Variants in CDH12 observed in about 807,000 individuals in gnomAD.
The protein encoded by CDH12 is cadherin-12.
In CDH12, 41 loss-of-function variants were observed where a neutral mutation model predicts 74.1. That is an observed-to-expected ratio of 0.55 (90% CI 0.43 to 0.72). CDH12 has a LOEUF of 0.72. Among genes scored for constraint, CDH12 ranks in the 30% least tolerant of loss-of-function variants. The pLI is 0.00. For missense variants in CDH12, 945 were observed against 977.2 expected (o/e 0.97, Z 0.44); for synonymous variants, 399 against 355.0 (o/e 1.12, Z -1.39).
intron 2 of CDH12, among the ~76,000 whole-genome samples, chr5:22,451,199 C>T (rs1038125758): frequency 4.0e-5 from 6 of 151,772 alleles, no homozygotes; most frequent in Admixed American, 6.6e-5. Flanking sequence ...TAGAACAGCA[C>T]TTGGTGTATG....
At chr5:22,232,952 A>G (rs928160878) in intron 3 of CDH12, among the ~76,000 whole-genome samples, 2 of 150,244 alleles carry the variant, frequency 1.3e-5, no homozygotes, top group African/African-American at 4.9e-5. Context: ...AGAGAATCGA[A>G]TAACCATATA....
At chr5:22,105,884 G>A (rs1403027289) in intron 4 of CDH12, among the ~76,000 whole-genome samples, 2 of 152,054 alleles carry the variant, frequency 1.3e-5, no homozygotes, top group Non-Finnish European at 2.9e-5. Flanking sequence ...TTATTTTGGG[G>A]AGGTACACAA....
intron 5 of CDH12, among the ~76,000 whole-genome samples, chr5:22,058,053 T>TATCATCTATCTTTTA (rs1561065611): frequency 2.0e-5 from 3 of 150,350 alleles, no homozygotes; most frequent in African/African-American, 4.9e-5. Context: ...ATCATCTATC[T>TATCATCTATCTTTTA]TTTATTTATT....
chr5:21,880,645 TTC>T (rs1752278539), intron 6 of CDH12, among the ~76,000 whole-genome samples: 1 of 123,722 alleles, frequency 8.1e-6, no homozygotes, highest in Non-Finnish European at 1.7e-5. Context: ...CTTTCTTTCT[TTC>T]TTTCTTTCTT....
intron 1 of CDH12, among the ~76,000 whole-genome samples, chr5:22,658,367 A>G (rs769643542): frequency 7.9e-5 from 12 of 152,126 alleles, no homozygotes; most frequent in Non-Finnish European, 1.6e-4. Flanking sequence ...CTGTATATTC[A>G]TTCTGCATAC....
chr5:21,751,772 C>T lies in CDH12; in HGVS notation c.2350G>A (p.Glu784Lys), dbSNP rs754245616. Residue 784 changes from glutamate to lysine, a missense_variant, in exon 15 of 15, where the codon GAA (glutamate) becomes AAA (lysine). Transcript: ENST00000382254. Reference sequence around the variant, plus strand: ...TTATCAGGGTTATAACTCTCTTCTTCGCCAAACATGTCTGCCAAGACTTTA... The same window carrying T: ...TTATCAGGGTTATAACTCTCTTCTTTGCCAAACATGTCTGCCAAGACTTTA... ...RFKVLADMFG[E>K]EESYNPDKVT 10 of 1,613,766 alleles carry T rather than the reference C, an allele frequency of 6.2e-6. No homozygotes were observed. Among genetic ancestry groups the T allele is most frequent in the Admixed American group, 5.0e-5 (3 of 59,956 alleles).
chr5:22,425,301 G>A (rs1743877642), intron 2 of CDH12, among the ~76,000 whole-genome samples: 2 of 151,088 alleles, frequency 1.3e-5, no homozygotes, highest in South Asian at 4.2e-4. Context: ...GGTTTTGTGA[G>A]TGTGGTAGTT....
intron 1 of CDH12, among the ~76,000 whole-genome samples, chr5:22,571,120 C>T (rs1163963143): frequency 6.6e-6 from 1 of 152,122 alleles, no homozygotes; most frequent in Non-Finnish European, 1.5e-5. Context: ...GTTTTGGCTG[C>T]TTTGATCTAT....
intron 1 of CDH12, among the ~76,000 whole-genome samples, chr5:22,609,184 C>G (rs778767654): frequency 6.6e-6 from 1 of 152,136 alleles, no homozygotes; most frequent in Non-Finnish European, 1.5e-5. Flanking sequence ...TCTTTAGAGT[C>G]TCATCTCAGT....
intron 6 of CDH12, among the ~76,000 whole-genome samples, chr5:21,952,464 C>T (rs554244077): frequency 6.6e-6 from 1 of 152,132 alleles, no homozygotes; most frequent in Non-Finnish European, 1.5e-5. Flanking sequence ...CAGCACAGTA[C>T]TAGAGAACCA....
In CDH12 at chr5:22,831,359, G is replaced by GTGTGTGTGTC. The variant is rs1554007047; in HGVS notation, c.-523+21698_-523+21699insGACACACACA. ...GGTAGGGGTTTTGGAGTTTGTGTGTGTGTGTGTGTGTCTGTGTGTGTGTGT... is the reference window on the plus strand; with the variant it reads ...GGTAGGGGTTTTGGAGTTTGTGTGTGTGTGTGTGTCTGTGTGTGTGTCTGTGTGTGTGTGT... On this transcript the variant is annotated intron_variant, in intron 1 of 14. Transcript: ENST00000382254. 5.9e-4 allele frequency among the ~76,000 whole-genome samples: 80 copies of GTGTGTGTGTC among 136,470 alleles called. 1 individual carries two copies. In the South Asian group the frequency reaches 0.018, roughly 31 times the overall value. The allele number at this position is 136,470 out of a possible 152,430, so 89.5% of individuals were successfully genotyped here.
At chr5:22,071,188 A>C (rs1741918276) in intron 5 of CDH12, among the ~76,000 whole-genome samples, 2 of 152,040 alleles carry the variant, frequency 1.3e-5, no homozygotes, top group African/African-American at 4.8e-5. Flanking sequence ...AAAAATAAAT[A>C]AATAATATTT....
chr5:22,234,240 T>C (rs1334013486), intron 3 of CDH12, among the ~76,000 whole-genome samples: 1 of 152,168 alleles, frequency 6.6e-6, no homozygotes, highest in African/African-American at 2.4e-5. Context: ...CTATACTGCC[T>C]GATATGGTTT....
intron 1 of CDH12, among the ~76,000 whole-genome samples, chr5:22,819,250 G>A (rs1008012677): frequency 6.6e-6 from 1 of 152,038 alleles, no homozygotes; most frequent in African/African-American, 2.4e-5. Context: ...TCCTGCTCAA[G>A]ATGAAAAGTC....
intron 3 of CDH12, among the ~76,000 whole-genome samples, chr5:22,372,897 T>C (rs1046342497): frequency 2.6e-5 from 4 of 152,234 alleles, no homozygotes; most frequent in East Asian, 1.9e-4. Context: ...TCCACTTCCA[T>C]GGGCTGCTGT....
chr5:22,734,701 G>A (rs1744595259), intron 1 of CDH12, among the ~76,000 whole-genome samples: 1 of 151,928 alleles, frequency 6.6e-6, no homozygotes, highest in African/African-American at 2.4e-5. Context: ...TCACTAATGA[G>A]TTGAATTTCC....
chr5:22,096,715 A>G (rs1743803827), intron 4 of CDH12, among the ~76,000 whole-genome samples: 1 of 152,032 alleles, frequency 6.6e-6, no homozygotes, highest in South Asian at 2.1e-4. Flanking sequence ...CAGATCAGTT[A>G]GTGTTTAGGC....
intron 6 of CDH12, among the ~76,000 whole-genome samples, chr5:21,954,098 A>G (rs1561325137): frequency 6.7e-6 from 1 of 150,004 alleles, no homozygotes; most frequent in East Asian, 1.9e-4. Flanking sequence ...ATCAGAATAT[A>G]TAATACTGTT....
intron 3 of CDH12, among the ~76,000 whole-genome samples, chr5:22,393,454 G>T (rs1742332152): frequency 6.6e-6 from 1 of 152,096 alleles, no homozygotes; most frequent in Non-Finnish European, 1.5e-5. Context: ...CCACCCATTT[G>T]TACAGGCTGT....
Sources: gnomAD v4.1 joint callset for allele counts (sites outside exome capture counted in the v4.1 genomes callset) on GRCh38, gnomAD v4.1.1 for gene constraint, MANE v1.5 for transcripts, NCBI Gene and HGNC (gene_info 2026-07-23, HGNC 2026-07-21) for gene names.